The following PFKFB2 variants were observed in gnomAD, a reference collection of about 807,000 sequenced individuals.
The protein encoded by PFKFB2 is 6-phosphofructo-2-kinase/fructose-2,6-biphosphatase 2.
Under a neutral mutation model 68.0 loss-of-function variants are expected in PFKFB2, and 53 were observed. The observed-to-expected ratio is 0.78, with a 90% CI of 0.63 to 0.98. The LOEUF (loss-of-function observed/expected upper bound fraction) is 0.98, where lower values mean the gene tolerates loss of function less well. Among genes scored for constraint, PFKFB2 ranks in the 50% least tolerant of loss-of-function variants. The probability of loss-of-function intolerance (pLI) is 0.00; values close to 1 mark genes in which losing one functional copy is unlikely to be tolerated. For synonymous variants in PFKFB2, 222 were observed against 227.6 expected, an observed-to-expected ratio of 0.98 and a Z score of 0.22; for missense variants, 451 against 642.0, an observed-to-expected ratio of 0.70 and a Z score of 3.22.
At chr1:207,064,933 A>G in intron 7 of PFKFB2, 103 bp from the exon 8 acceptor site, 1 of 1,336,950 alleles carries the variant, frequency 7.5e-7, no homozygotes, top group Non-Finnish European at 1.0e-6. Context: ...GTGAAAGGCG[A>G]CATTTATGGA....
intron 9 of PFKFB2, 78 bp downstream of exon 9, chr1:207,067,784 C>A: frequency 1.7e-6 from 2 of 1,203,412 alleles, no homozygotes; most frequent in Non-Finnish European, 2.4e-6. Context: ...ATTTTATCTC[C>A]TTACTTAAAT....
chr1:207,051,082 T>A (rs1228028644), upstream of PFKFB2: 3 of 1,458,586 alleles, frequency 2.1e-6, no homozygotes, highest in African/African-American at 2.8e-5. Context: ...GTGCGGCTTC[T>A]GCCTTAGTAC....
intron 4 of PFKFB2, 122 bp downstream of exon 4, chr1:207,062,838 C>A: frequency 2.0e-6 from 2 of 988,356 alleles, no homozygotes; most frequent in Non-Finnish European, 3.1e-6. Flanking sequence ...TGGAAGTTAT[C>A]TGATGGGCAA....
At chr1:207,054,948 T>C in intron 2 of PFKFB2, 146 bp downstream of exon 2, 1 of 625,904 alleles carries the variant, frequency 1.6e-6, no homozygotes, top group South Asian at 1.9e-5. Context: ...GGGTAGAATG[T>C]CCTGTCTAAA....
chr1:207,059,989 T>A (rs1683039199), intron 2 of PFKFB2, among the ~76,000 whole-genome samples: 1 of 152,172 alleles, frequency 6.6e-6, no homozygotes, highest in Admixed American at 6.5e-5. Flanking sequence ...TTCTTCCTTT[T>A]TCCCCCATCC....
intron 9 of PFKFB2, 103 bp downstream of exon 9, chr1:207,067,809 G>C: frequency 9.9e-7 from 1 of 1,005,752 alleles, no homozygotes. Flanking sequence ...TTTGGACGTA[G>C]GCTGTGGTTT....
At chr1:207,036,155 G>GAATTTT (rs1465432439) in intron 1 of PFKFB2, among the ~76,000 whole-genome samples, 8 of 152,064 alleles carry the variant, frequency 5.3e-5, no homozygotes, top group Non-Finnish European at 1.2e-4. Context: ...CTCCAACTTT[G>GAATTTT]GAGGTCACAT....
At chr1:207,062,493 T>A (rs1368728634) in intron 3 of PFKFB2, 127 bp from the exon 4 acceptor site, 1 of 1,429,466 alleles carries the variant, frequency 7.0e-7, no homozygotes, top group Non-Finnish European at 9.5e-7. Flanking sequence ...CTGATATTGT[T>A]CCCAACCTAC....
intron 8 of PFKFB2, among the ~76,000 whole-genome samples, chr1:207,066,323 T>C (rs1317474095): frequency 6.6e-6 from 1 of 152,228 alleles, no homozygotes; most frequent in African/African-American, 2.4e-5. Flanking sequence ...AGTTAACAGC[T>C]CTATTCACAT....
chr1:207,062,004 T>G lies in PFKFB2; in HGVS notation c.137T>G (p.Leu46Trp). ...CCGACTCTGATCGTTATGATTGGTT[T>G]GCCAGCCCGGGGTAAAACCTACGTG... ...NSPTLIVMIG[L>W]PARGKTYVSK... The change falls in exon 3 of 15, where the codon TTG (leucine) becomes TGG (tryptophan). Residue 46 changes from leucine to tryptophan, a missense_variant. Coordinates refer to ENST00000367080, the MANE Select transcript of PFKFB2 (RefSeq NM_006212.2). 1 of 1,614,250 alleles carries G rather than the reference T, an allele frequency of 6.2e-7. No homozygotes were observed. Among genetic ancestry groups the G allele is most frequent in the Non-Finnish European group, 8.5e-7 (1 of 1,180,032 alleles).
chr1:207,079,317 G>A (rs1396467192), downstream of PFKFB2: 4 of 462,416 alleles, frequency 8.7e-6, no homozygotes, highest in South Asian at 7.8e-5. Flanking sequence ...TTCTGTATAG[G>A]CATTTAACAT....
At chr1:207,051,791 T>C (rs912877936), upstream of PFKFB2, among the ~76,000 whole-genome samples, 2 of 152,224 alleles carry the variant, frequency 1.3e-5, no homozygotes, top group African/African-American at 4.8e-5. Context: ...AACGTGATAA[T>C]GCTAGATTAT....
intron 2 of PFKFB2, among the ~76,000 whole-genome samples, chr1:207,059,754 C>T (rs1683032102): frequency 6.6e-6 from 1 of 152,176 alleles, no homozygotes; most frequent in African/African-American, 2.4e-5. Context: ...GAAACTTTTC[C>T]TTCCGAGGGT....
chr1:207,035,207 T>A, intron 1 of PFKFB2: 2 of 985,600 alleles, frequency 2.0e-6, no homozygotes, highest in South Asian at 9.4e-5. Flanking sequence ...GCTGTTGTGG[T>A]CATCTCTTTG....
At chr1:207,060,493 A>G (rs1272027937) in intron 2 of PFKFB2, among the ~76,000 whole-genome samples, 1 of 152,226 alleles carries the variant, frequency 6.6e-6, no homozygotes, top group African/African-American at 2.4e-5. Context: ...AATGTGTATC[A>G]AGTAAGCTTT....
At chr1:207,071,095 C>T (rs1683452423) in intron 12 of PFKFB2, 93 bp from the exon 13 acceptor site, 2 of 1,028,248 alleles carry the variant, frequency 1.9e-6, no homozygotes, top group African/African-American at 1.6e-5. Flanking sequence ...GTAAGGGAAA[C>T]TCATTATGAG....
rs1553251195 is a variant in PFKFB2, at chr1:207,061,139, ATC to A, written c.86-812_86-811del. Among the ~76,000 whole-genome samples the A allele has an allele frequency of 9.1e-3, 921 of 101,352 alleles. 11 individuals are homozygous for A. The highest frequency in any genetic ancestry group is 0.013 in the African/African-American group (313 of 24,970). The allele number at this position is 101,352 out of a possible 152,430, so 66.5% of individuals were successfully genotyped here. On this transcript the variant is annotated intron_variant, in intron 2 of 14. Coordinates refer to ENST00000367080, the MANE Select transcript of PFKFB2 (RefSeq NM_006212.2). ...TATCTTTATATATATCTTTATATATATCTTTATATATATTTATATATATCTTT... is the reference window on the plus strand; with the variant it reads ...TATCTTTATATATATCTTTATATATATTTATATATATTTATATATATCTTT...
chr1:207,068,952 G>C (rs1373481170), intron 10 of PFKFB2, among the ~76,000 whole-genome samples: 1 of 152,034 alleles, frequency 6.6e-6, no homozygotes, highest in Non-Finnish European at 1.5e-5. Context: ...TCACCATCTT[G>C]GCCAGGCTGG....
At chr1:207,061,715 C>T (rs779653328) in intron 2 of PFKFB2, among the ~76,000 whole-genome samples, 1 of 152,134 alleles carries the variant, frequency 6.6e-6, no homozygotes, top group Admixed American at 6.5e-5. Flanking sequence ...AACCCCATCT[C>T]TACTGAAAAT....
Sources: allele counts gnomAD v4.1 joint callset (sites outside exome capture counted in the v4.1 genomes callset), GRCh38; gene constraint gnomAD v4.1.1; transcripts MANE v1.5; gene names NCBI Gene and HGNC (gene_info 2026-07-23, HGNC 2026-07-21).